ANO3: variants seen among roughly 807,000 people sequenced by gnomAD.
ANO3 encodes the protein anoctamin-3.
Under a neutral mutation model 144.8 loss-of-function variants are expected in ANO3, and 99 were observed. The ratio of observed to expected loss-of-function variants is 0.68; its 90% CI spans 0.58 to 0.81. ANO3 has a LOEUF of 0.81. ANO3 is among the 30% of genes least tolerant of loss of function. ANO3 has a pLI of 0.00. For synonymous variants in ANO3, 414 were observed against 392.6 expected, an observed-to-expected ratio of 1.05 and a Z score of -0.64; for missense variants, 905 against 1,202.2, an observed-to-expected ratio of 0.75 and a Z score of 3.66.
intron 11 of ANO3, among the ~76,000 whole-genome samples, chr11:26,544,115 G>A (rs2134209915): frequency 6.6e-6 from 1 of 151,046 alleles, no homozygotes; most frequent in Middle Eastern, 3.4e-3. Context: ...GTTAGGATTT[G>A]CGAGCACACA....
intron 1 of ANO3, among the ~76,000 whole-genome samples, chr11:26,407,515 G>T (rs1028706007): frequency 6.6e-6 from 1 of 151,674 alleles, no homozygotes; most frequent in Non-Finnish European, 1.5e-5. Flanking sequence ...TATTGAATCT[G>T]TCTTCTTTTT....
At chr11:26,240,173 T>A (rs1300935460) in intron 1 of ANO3, among the ~76,000 whole-genome samples, 1 of 152,202 alleles carries the variant, frequency 6.6e-6, no homozygotes, top group Non-Finnish European at 1.5e-5. Flanking sequence ...GTGACTTTAT[T>A]CCTTTTCAAT....
At chr11:26,467,072 A>C (rs964913040) in intron 4 of ANO3, among the ~76,000 whole-genome samples, 2 of 151,978 alleles carry the variant, frequency 1.3e-5, no homozygotes, top group African/African-American at 4.8e-5. Flanking sequence ...AAAACATTAA[A>C]TCAAGGTAAA....
At chr11:26,656,326 T>G (rs935091294) in intron 25 of ANO3, 50 bp from the exon 26 acceptor site, 1 of 1,485,700 alleles carries the variant, frequency 6.7e-7, no homozygotes, top group Non-Finnish European at 9.4e-7. Flanking sequence ...AATTTGGGCC[T>G]CCACTCTTTG....
chr11:26,581,660 C>T (rs546154291), intron 14 of ANO3, among the ~76,000 whole-genome samples: 2 of 146,438 alleles, frequency 1.4e-5, no homozygotes, highest in South Asian at 4.4e-4. Flanking sequence ...TTGCACTCCA[C>T]CTTGGGCGAC....
rs558701037 is a variant in ANO3, at chr11:26,363,426, CTCTCCTTG to C, written c.46+31106_46+31113del. ...GCAGGTGTGGTTTCTCTGGGGGCCTCTCTCCTTGACGTGCAGATGCCTCTTGTCTTGTC... is the reference window on the plus strand; with the variant it reads ...GCAGGTGTGGTTTCTCTGGGGGCCTCACGTGCAGATGCCTCTTGTCTTGTC... On this transcript the variant is annotated intron_variant, in intron 1 of 26. Transcript: ENST00000256737. Among the ~76,000 whole-genome samples, 819 of 152,194 alleles carry C rather than the reference CTCTCCTTG, an allele frequency of 5.4e-3. 4 individuals carry two copies. The highest frequency in any genetic ancestry group is 0.019 in the African/African-American group (794 of 41,520).
intron 1 of ANO3, among the ~76,000 whole-genome samples, chr11:26,285,034 C>T (rs1230000330): frequency 6.6e-6 from 1 of 152,118 alleles, no homozygotes; most frequent in Non-Finnish European, 1.5e-5. Context: ...TTGTTAAAAC[C>T]GCCTTTACTT....
At chr11:26,428,324 T>C (rs1418728664) in intron 1 of ANO3, among the ~76,000 whole-genome samples, 1 of 151,988 alleles carries the variant, frequency 6.6e-6, no homozygotes, top group African/African-American at 2.4e-5. Flanking sequence ...TCCGGGAAAA[T>C]TGATTTAGAT....
At chr11:26,223,520 C>G (rs575306083) in intron 1 of ANO3, among the ~76,000 whole-genome samples, 3 of 151,294 alleles carry the variant, frequency 2.0e-5, no homozygotes, top group African/African-American at 7.3e-5. Context: ...TCCAAAGCCA[C>G]TTCCACATTT....
Position 26,535,737 on chromosome 11 carries a change from C to A in ANO3, c.976+1175C>A, listed in dbSNP as rs1471018311. On this transcript the variant is annotated intron_variant, in intron 9 of 26. Transcript: ENST00000256737. ...GGCTGGAACTACAGGCACCCTCCAC[C>A]ACGCCCGGCTAATTTTTTGTATTTT... Among the ~76,000 whole-genome samples the A allele has an allele frequency of 2.0e-5, 3 of 151,572 alleles. No homozygotes were observed. The East Asian group carries it at 5.9e-4, about 30-fold the overall frequency.
rs570520321 is a variant in ANO3, at chr11:26,656,153, C to T, written c.2605C>T (p.Leu869=). 6.2e-7 allele frequency: 1 copy of T among 1,613,566 alleles called. No homozygotes were observed. Among genetic ancestry groups the T allele is most frequent in the Admixed American group, 1.7e-5 (1 of 59,988 alleles). The change falls in exon 25 of 27, where the codon CTA becomes TTA. Residue 869 remains leucine (L), a synonymous_variant. Transcript: ENST00000256737. ...CTTGAAGGGATATGTCAACAATAGC[C>T]TATCCTTCTTTGACCTGAGTGAGCT... ...NCLKGYVNNS[L]SFFDLSELGM...
chr11:26,218,749 GT>G (rs1467399307), intron 1 of ANO3, among the ~76,000 whole-genome samples: 1 of 151,886 alleles, frequency 6.6e-6, no homozygotes, highest in Non-Finnish European at 1.5e-5. Flanking sequence ...TTTGTTTTTT[GT>G]TTTTTTCTTA....
intron 4 of ANO3, among the ~76,000 whole-genome samples, chr11:26,481,001 T>G (rs1364789732): frequency 6.6e-6 from 1 of 152,060 alleles, no homozygotes; most frequent in Non-Finnish European, 1.5e-5. Flanking sequence ...GTGATTGGGA[T>G]GGTTACAGAA....
intron 1 of ANO3, among the ~76,000 whole-genome samples, chr11:26,376,151 A>G (rs1265307401): frequency 6.6e-6 from 1 of 152,180 alleles, no homozygotes; most frequent in Non-Finnish European, 1.5e-5. Context: ...TGATTACCAA[A>G]TGATAAGAAA....
intron 1 of ANO3, among the ~76,000 whole-genome samples, chr11:26,214,027 G>T (rs908376483): frequency 6.6e-6 from 1 of 151,896 alleles, no homozygotes; most frequent in Non-Finnish European, 1.5e-5. Context: ...GAATGTATTT[G>T]TATGTAGTAA....
At chr11:26,298,392 A>G (rs911116897) in intron 1 of ANO3, among the ~76,000 whole-genome samples, 1 of 151,888 alleles carries the variant, frequency 6.6e-6, no homozygotes, top group Non-Finnish European at 1.5e-5. Flanking sequence ...AATCATATAT[A>G]AACTAGATTT....
chr11:26,385,146 T>C (rs964059961), intron 1 of ANO3, among the ~76,000 whole-genome samples: 11 of 152,182 alleles, frequency 7.2e-5, no homozygotes, highest in African/African-American at 2.4e-4. Flanking sequence ...ATAAGACTCA[T>C]AATGAATAAA....
intron 17 of ANO3, among the ~76,000 whole-genome samples, chr11:26,623,615 T>C (rs1382493407): frequency 2.6e-5 from 4 of 152,168 alleles, no homozygotes; most frequent in Admixed American, 2.6e-4. Flanking sequence ...GCATCTGTTT[T>C]AAATAACCAC....
intron 5 of ANO3, among the ~76,000 whole-genome samples, chr11:26,513,691 G>A (rs1053727405): frequency 6.6e-6 from 1 of 152,080 alleles, no homozygotes; most frequent in African/African-American, 2.4e-5. Flanking sequence ...CTTGTCCCAA[G>A]ATCTATCCAT....
Sources: gnomAD v4.1 joint callset for allele counts (sites outside exome capture counted in the v4.1 genomes callset) on GRCh38, gnomAD v4.1.1 for gene constraint, MANE v1.5 for transcripts, NCBI Gene and HGNC (gene_info 2026-07-23, HGNC 2026-07-21) for gene names.